Variants in EXTL3 observed in about 807,000 individuals in gnomAD.
EXTL3 encodes the protein exostosin-like 3.
Under a neutral mutation model 69.3 loss-of-function variants are expected in EXTL3, and 27 were observed. The observed-to-expected ratio is 0.39, with a 90% CI of 0.29 to 0.54. The LOEUF is 0.54. Ranked by LOEUF, EXTL3 falls within the 20% of genes least tolerant of loss-of-function variation. The pLI is 0.69. For missense variants in EXTL3, 1,003 were observed against 1,231.8 expected (o/e 0.81, Z 2.78); for synonymous variants, 511 against 499.4 (o/e 1.02, Z -0.31).
rs538354527 is a variant in EXTL3, at chr8:28,708,757, G to T, written c.-569-4700G>T. Among the ~76,000 whole-genome samples, 40 of 152,206 alleles carry T rather than the reference G, an allele frequency of 2.6e-4. No homozygotes were observed. In the South Asian group the frequency reaches 5.0e-3, roughly 19 times the overall value. Reference sequence around the variant, plus strand: ...GACAGCTCTGTAGAACCCGCACCTGGGTTGTCATGGAGTTCTGCCACTTGA... The same window carrying T: ...GACAGCTCTGTAGAACCCGCACCTGTGTTGTCATGGAGTTCTGCCACTTGA... On this transcript the variant is annotated intron_variant, in intron 1 of 6. Coordinates refer to ENST00000220562, the MANE Select transcript of EXTL3 (RefSeq NM_001440.4).
chr8:28,685,305 A>T (rs1258132754), intron 1 of EXTL3, among the ~76,000 whole-genome samples: 1 of 151,944 alleles, frequency 6.6e-6, no homozygotes, highest in African/African-American at 2.4e-5. Context: ...CCAATCCAGG[A>T]TCACACATCG....
chr8:28,693,088 C>T (rs1406628971), intron 1 of EXTL3, among the ~76,000 whole-genome samples: 1 of 151,378 alleles, frequency 6.6e-6, no homozygotes, highest in East Asian at 1.9e-4. Context: ...CCGCTGTTGG[C>T]GCTAGCTAAT....
intron 1 of EXTL3, among the ~76,000 whole-genome samples, chr8:28,660,838 C>CTTTTTT (rs58151386): frequency 1.5e-4 from 7 of 46,956 alleles, no homozygotes; most frequent in Non-Finnish European, 1.7e-4. Flanking sequence ...CGATTTTTGG[C>CTTTTTT]TTTTTTTTTT....
At chr8:28,648,312 C>T (rs913412134) in intron 1 of EXTL3, among the ~76,000 whole-genome samples, 3 of 152,154 alleles carry the variant, frequency 2.0e-5, no homozygotes, top group East Asian at 3.9e-4. Flanking sequence ...CTGAGTCTTT[C>T]GGAAAGATGT....
chr8:28,627,738 A>G (rs1806514735), intron 1 of EXTL3, among the ~76,000 whole-genome samples: 1 of 152,206 alleles, frequency 6.6e-6, no homozygotes, highest in Admixed American at 6.5e-5. Context: ...AGTACAAACA[A>G]TGGAATATTA....
chr8:28,628,030 T>A (rs1215417969), intron 1 of EXTL3, among the ~76,000 whole-genome samples: 1 of 152,170 alleles, frequency 6.6e-6, no homozygotes, highest in Non-Finnish European at 1.5e-5. Flanking sequence ...CACAACAATG[T>A]GAACGTGCTT....
intron 2 of EXTL3, among the ~76,000 whole-genome samples, chr8:28,612,601 G>A (rs1235348709): frequency 2.6e-5 from 4 of 151,974 alleles, no homozygotes; most frequent in African/African-American, 9.7e-5. Flanking sequence ...TTTATAAAAA[G>A]CCCCAGGGTG....
intron 3 of EXTL3, 84 bp downstream of exon 3, chr8:28,718,291 A>C (rs1435783216): frequency 1.5e-6 from 2 of 1,348,196 alleles, no homozygotes; most frequent in Non-Finnish European, 2.1e-6. Flanking sequence ...TCACTTTAGC[A>C]ATCGTAACTT....
At chr8:28,709,922 A>T (rs1800999609) in intron 1 of EXTL3, among the ~76,000 whole-genome samples, 1 of 152,084 alleles carries the variant, frequency 6.6e-6, no homozygotes, top group African/African-American at 2.4e-5. Context: ...CACCGCTCAG[A>T]CTCTCGAATG....
At chr8:28,669,054 G>C (rs1364523104) in intron 1 of EXTL3, among the ~76,000 whole-genome samples, 1 of 151,904 alleles carries the variant, frequency 6.6e-6, no homozygotes, top group African/African-American at 2.4e-5. Context: ...AGTAGAGGCA[G>C]GGTTTCACCA....
intron 5 of EXTL3, chr8:28,740,308 G>C (rs1801748834): frequency 6.6e-6 from 1 of 152,188 alleles, no homozygotes; most frequent in Non-Finnish European, 1.5e-5. Flanking sequence ...TTATGAGACT[G>C]AGTTTTGCTG....
chr8:28,699,278 G>A (rs1376735782), upstream of EXTL3, among the ~76,000 whole-genome samples: 1 of 152,186 alleles, frequency 6.6e-6, no homozygotes, highest in Admixed American at 6.5e-5. Context: ...CCAGCTTGCA[G>A]GTGGAGATGA....
At chr8:28,746,812 A>G (rs1041197475) in intron 6 of EXTL3, among the ~76,000 whole-genome samples, 11 of 151,994 alleles carry the variant, frequency 7.2e-5, no homozygotes, top group Non-Finnish European at 1.2e-4. Context: ...AGTAGCTGGG[A>G]CTATAGGCGT....
intron 2 of EXTL3, among the ~76,000 whole-genome samples, chr8:28,617,684 T>A (rs1372530616): frequency 3.9e-5 from 6 of 152,146 alleles, no homozygotes; most frequent in Non-Finnish European, 8.8e-5. Context: ...CTTGGGAGGC[T>A]CAGGTGGGAG....
intron 1 of EXTL3, among the ~76,000 whole-genome samples, chr8:28,633,277 G>T (rs887259051): frequency 1.3e-5 from 2 of 152,090 alleles, no homozygotes; most frequent in Non-Finnish European, 2.9e-5. Context: ...GGTTGAGGCT[G>T]CAGTGAGCCA....
chr8:28,737,466 G>C, intron 4 of EXTL3, 53 bp from the exon 5 acceptor site: 1 of 1,607,608 alleles, frequency 6.2e-7, no homozygotes, highest in Non-Finnish European at 8.5e-7. Flanking sequence ...GAACACTTCT[G>C]ATGACCCTAG....
chr8:28,724,549 C>T (rs1342525723), intron 3 of EXTL3, among the ~76,000 whole-genome samples: 1 of 149,086 alleles, frequency 6.7e-6, no homozygotes. Context: ...GGGTGGATCG[C>T]GAGGTCAGGA....
chr8:28,683,823 T>C (rs1807531476), intron 1 of EXTL3, among the ~76,000 whole-genome samples: 1 of 151,492 alleles, frequency 6.6e-6, no homozygotes, highest in Admixed American at 6.6e-5. Context: ...AAAAAAAAAA[T>C]TATTGCTGTC....
chr8:28,610,532 G>C (rs926989225), intron 2 of EXTL3, among the ~76,000 whole-genome samples: 4 of 152,076 alleles, frequency 2.6e-5, no homozygotes, highest in African/African-American at 9.7e-5. Flanking sequence ...ACTGAGGACC[G>C]GCTCTGATTC....
Sources: gnomAD v4.1 joint callset for allele counts (sites outside exome capture counted in the v4.1 genomes callset) on GRCh38, gnomAD v4.1.1 for gene constraint, MANE v1.5 for transcripts, NCBI Gene and HGNC (gene_info 2026-07-23, HGNC 2026-07-21) for gene names.